Variants in STMN1 observed in about 807,000 individuals in gnomAD.
STMN1 encodes the protein stathmin 1, also known as stathmin.
Under a neutral mutation model 19.7 loss-of-function variants are expected in STMN1, and 3 were observed. The ratio of observed to expected loss-of-function variants is 0.15; its 90% CI spans 0.07 to 0.39. The LOEUF is 0.39. STMN1 is among the 10% of genes least tolerant of loss of function. STMN1 has a pLI of 1.00. For missense variants in STMN1, 99 were observed against 176.0 expected (o/e 0.56, Z 2.48); for synonymous variants, 59 against 58.9 (o/e 1.00, Z -0.01).
intron 4 of STMN1, chr1:25,885,878 A>G (rs1049214658): frequency 6.5e-7 from 1 of 1,539,010 alleles, no homozygotes; most frequent in African/African-American, 1.4e-5. Context: ...ATCTGGAAGA[A>G]AAAGAAAAAT....
At chr1:25,896,964 G>A (rs572632771), downstream of STMN1, among the ~76,000 whole-genome samples, 5 of 152,288 alleles carry the variant, frequency 3.3e-5, no homozygotes, top group South Asian at 6.2e-4. Context: ...GATTTGGAAG[G>A]GAACTTCTAG....
chr1:25,886,521 C>T (rs807053), intron 4 of STMN1, among the ~76,000 whole-genome samples: 70,436 of 150,428 alleles, frequency 0.47, 18,324 homozygotes, highest in South Asian at 0.74. Context: ...CACATGCTGC[C>T]ATCTCGCCTC....
chr1:25,895,940 G>A (rs1475649400), downstream of STMN1, among the ~76,000 whole-genome samples: 4 of 152,198 alleles, frequency 2.6e-5, no homozygotes, highest in Admixed American at 2.0e-4. Flanking sequence ...GAGGTAGACC[G>A]TGGGAGTCAC....
In STMN1 at chr1:25,906,102, C is replaced by G. The variant is rs1572310321; in HGVS notation, c.-63+287G>C. On this transcript the variant is annotated intron_variant, in intron 1 of 4. Coordinates refer to ENST00000455785, the MANE Select transcript of STMN1 (RefSeq NM_005563.4). The surrounding 1 kb of genome is among the most constrained non-coding windows in gnomAD (Gnocchi z 4.5). Reference sequence around the variant, plus strand: ...GGGAGGGAGGGAGGTAAACGAGGGCCCACGCCCCCTATTGTCTCCTCGACG... The same window carrying G: ...GGGAGGGAGGGAGGTAAACGAGGGCGCACGCCCCCTATTGTCTCCTCGACG... The G allele has an allele frequency of 1.3e-5, 2 of 152,380 alleles. No homozygotes were observed. Among genetic ancestry groups the G allele is most frequent in the Non-Finnish European group, 2.9e-5 (2 of 68,110 alleles). The allele number at this position is 152,380 out of a possible 1,614,324, so 9.4% of individuals were successfully genotyped here.
intron 4 of STMN1, among the ~76,000 whole-genome samples, chr1:25,888,131 C>T (rs1240730857): frequency 1.3e-5 from 2 of 152,116 alleles, no homozygotes; most frequent in Non-Finnish European, 2.9e-5. Context: ...TCTTAACCTT[C>T]CTATAACATG....
chr1:25,903,257 G>A, intron 3 of STMN1: 2 of 181,368 alleles, frequency 1.1e-5, no homozygotes, highest in Non-Finnish European at 2.3e-5. Context: ...AAACCAAAGT[G>A]CCAAAGAATC....
At position 25,906,357 on chromosome 1, in the gene STMN1, C is replaced by T. The variant is rs983180101; in HGVS notation, c.-63+32G>A. The T allele has an allele frequency of 6.5e-6, 1 of 153,844 alleles. No homozygotes were observed. The highest frequency in any genetic ancestry group is 1.5e-5 in the Non-Finnish European group (1 of 68,396). 9.5% of individuals were successfully genotyped at this position (153,844 alleles called of 1,614,324 possible). A position where few individuals can be genotyped will look rare whatever the true frequency, so the allele number is the denominator to read the frequency against. ...CCGCGTCCCTCTTGCTGGCCTCAGC[C>T]AGCCGCCGCCTCCTCCGAGCCCCGC... is the stretch of plus-strand genomic sequence containing the variant. On this transcript the variant is annotated intron_variant, in intron 1 of 4. Coordinates refer to ENST00000455785, the MANE Select transcript of STMN1 (RefSeq NM_005563.4). This position sits in a 1 kb window ranked among gnomAD's most constrained non-coding sequence, Gnocchi z 4.5.
intron 4 of STMN1, chr1:25,889,048 G>T: frequency 2.0e-6 from 1 of 488,814 alleles, no homozygotes; most frequent in Non-Finnish European, 4.1e-6. Flanking sequence ...ATGAAAACTG[G>T]CAATAAAATC....
downstream of STMN1, among the ~76,000 whole-genome samples, chr1:25,898,647 A>C (rs2048841388): frequency 6.6e-6 from 1 of 152,260 alleles, no homozygotes; most frequent in African/African-American, 2.4e-5. Context: ...AATCCTCAGG[A>C]AGGGACAAGC....
chr1:25,900,115 G>C (rs2048854144), downstream of STMN1: 1 of 985,682 alleles, frequency 1.0e-6, no homozygotes, highest in African/African-American at 1.7e-5. Context: ...TTTCACAGGA[G>C]TTGCTACAGC....
Position 25,901,484 on chromosome 1 carries a change from A to G in STMN1, c.378+7T>C. 2 of 1,603,846 alleles carry G rather than the reference A, an allele frequency of 1.2e-6. No homozygotes were observed. Among genetic ancestry groups the G allele is most frequent in the Non-Finnish European group, 1.7e-6 (2 of 1,175,996 alleles). On this transcript the variant is annotated splice_region_variant and intron_variant, in intron 4 of 4. Transcript: ENST00000455785. ...AGCTCAACCCTTTTACAAAGTAAGAAACCAACCTTCTCTCGCAAACGTTCC... is the reference window on the plus strand; with the variant it reads ...AGCTCAACCCTTTTACAAAGTAAGAGACCAACCTTCTCTCGCAAACGTTCC...
intron 4 of STMN1, among the ~76,000 whole-genome samples, chr1:25,892,798 G>C (rs150182423): frequency 2.6e-5 from 4 of 152,242 alleles, no homozygotes; most frequent in African/African-American, 9.6e-5. Context: ...TTCTAGCCCG[G>C]GTGGGAGCCT....
intron 4 of STMN1, among the ~76,000 whole-genome samples, chr1:25,890,140 G>A (rs539235682): frequency 1.1e-4 from 17 of 152,184 alleles, no homozygotes; most frequent in South Asian, 1.0e-3. Flanking sequence ...CAATGAATAC[G>A]TGGATGGAGA....
At position 25,903,699 on chromosome 1, in the gene STMN1, T is replaced by C. The variant is rs1320018469; in HGVS notation, c.128A>G (p.Lys43Arg). 1.2e-6 allele frequency: 2 copies of C among 1,613,770 alleles called. No homozygotes were observed. Among genetic ancestry groups the C allele is most frequent in the East Asian group, 4.5e-5 (2 of 44,898 alleles). The change falls in exon 3 of 5, where the codon AAG becomes AGG. Residue 43 changes from lysine to arginine, a missense_variant. By Grantham distance (26) the Lys-to-Arg change is conservative. Coordinates refer to ENST00000455785, the MANE Select transcript of STMN1 (RefSeq NM_005563.4). Reference protein sequence around the residue: ...PEFPLSPPKKKDLSLEEIQKK... With the variant: ...PEFPLSPPKKRDLSLEEIQKK... ...CTGAATTTCCTCCAGGGAAAGATCC[T>C]TCTTCTTTGGAGGGGAAAGGGGGAA...
downstream of STMN1, chr1:25,884,796 A>C (rs1446419382): frequency 3.9e-5 from 6 of 153,512 alleles, no homozygotes; most frequent in African/African-American, 1.5e-4. Context: ...TTTCATCAGC[A>C]TCCAGCACAC....
At chr1:25,892,556 G>GCTGAGC (rs1276108800) in intron 4 of STMN1, 1 of 960,310 alleles carries the variant, frequency 1.0e-6, no homozygotes, top group Admixed American at 6.4e-5. Flanking sequence ...TGCCACCACG[G>GCTGAGC]CTGAGCCGCT....
chr1:25,891,772 G>C (rs2048778071), intron 4 of STMN1, among the ~76,000 whole-genome samples: 1 of 152,128 alleles, frequency 6.6e-6, no homozygotes, highest in Admixed American at 6.6e-5. Context: ...CTGGGGAAGA[G>C]GATCTGCCTT....
At chr1:25,901,135 A>AAAT in intron 4 of STMN1, 48 bp from the exon 5 acceptor site, 1 of 1,576,712 alleles carries the variant, frequency 6.3e-7, no homozygotes, top group Non-Finnish European at 8.5e-7. Context: ...AAAAAAAAAA[A>AAAT]AAAAGCCTGT....
chr1:25,885,572 G>A, exon 5 of STMN1: 1 of 1,034,600 alleles, frequency 9.7e-7, no homozygotes, highest in Non-Finnish European at 1.4e-6. Flanking sequence ...CTGAGGCTCA[G>A]ACACAGCAAG....
Sources: gnomAD v4.1 joint callset for allele counts (sites outside exome capture counted in the v4.1 genomes callset) on GRCh38, gnomAD v4.1.1 for gene constraint, Gnocchi (gnomAD v3.1) non-coding constraint, MANE v1.5 for transcripts, NCBI Gene and HGNC (gene_info 2026-07-23, HGNC 2026-07-21) for gene names.